CAMK2D: variants seen among roughly 807,000 people sequenced by gnomAD.
The protein encoded by CAMK2D is calcium/calmodulin dependent protein kinase II delta, also known as calcium/calmodulin-dependent protein kinase type II subunit delta.
In CAMK2D, 37 loss-of-function variants were observed where a neutral mutation model predicts 84.0. The observed-to-expected ratio is 0.44, with a 90% CI of 0.34 to 0.58. The LOEUF (loss-of-function observed/expected upper bound fraction) is 0.58. Ranked by LOEUF, CAMK2D falls within the 20% of genes least tolerant of loss-of-function variation. The pLI is 0.02. For synonymous variants in CAMK2D, 202 were observed against 212.5 expected (o/e 0.95, Z 0.43); for missense variants, 448 against 652.5 (o/e 0.69, Z 3.41).
intron 2 of CAMK2D, among the ~76,000 whole-genome samples, chr4:113,732,734 T>A (rs2099572122): frequency 6.6e-6 from 1 of 152,168 alleles, no homozygotes; most frequent in African/African-American, 2.4e-5. Flanking sequence ...ACATATTATT[T>A]AAATAAAAGG....
At chr4:113,635,258 T>A (rs574657932) in intron 3 of CAMK2D, among the ~76,000 whole-genome samples, 1 of 152,292 alleles carries the variant, frequency 6.6e-6, no homozygotes, top group South Asian at 2.1e-4. Context: ...CATTTCTGAA[T>A]GTAGCTTACA....
chr4:113,522,680 C>T (rs974324016), intron 8 of CAMK2D, among the ~76,000 whole-genome samples: 2 of 152,088 alleles, frequency 1.3e-5, no homozygotes, highest in African/African-American at 2.4e-5. Context: ...CTGACAGGTA[C>T]AATTACTATA....
chr4:113,517,707 A>T (rs1487201235), intron 8 of CAMK2D, 50 bp from the exon 9 acceptor site: 1 of 840,564 alleles, frequency 1.2e-6, no homozygotes, highest in East Asian at 2.4e-5. Flanking sequence ...AGACAACAGT[A>T]AATTAAATGT....
intron 2 of CAMK2D, among the ~76,000 whole-genome samples, chr4:113,682,579 G>A (rs892242404): frequency 1.3e-5 from 2 of 151,956 alleles, no homozygotes; most frequent in Non-Finnish European, 1.5e-5. Context: ...GCAATTATGA[G>A]TAGGCCATTT....
At chr4:113,469,378 T>C (rs188382416) in intron 16 of CAMK2D, among the ~76,000 whole-genome samples, 79 of 152,312 alleles carry the variant, frequency 5.2e-4, no homozygotes, top group Admixed American at 1.4e-3. Context: ...ACACTCTCCT[T>C]TTACTTAACT....
chr4:113,724,420 T>G (rs925170114), intron 2 of CAMK2D, among the ~76,000 whole-genome samples: 155 of 152,084 alleles, frequency 1.0e-3, no homozygotes, highest in African/African-American at 3.7e-3. Context: ...ACAGTTAATA[T>G]TTTATCTATT....
intron 16 of CAMK2D, among the ~76,000 whole-genome samples, chr4:113,479,453 T>C (rs1326425380): frequency 6.6e-6 from 1 of 152,192 alleles, no homozygotes; most frequent in Non-Finnish European, 1.5e-5. Context: ...ATGTCTCAAC[T>C]CAGAATTAAT....
chr4:113,508,840 T>C (rs1459439448), intron 13 of CAMK2D, among the ~76,000 whole-genome samples: 1 of 152,148 alleles, frequency 6.6e-6, no homozygotes. Flanking sequence ...AATTAATTAA[T>C]TCCCAAGAAC....
chr4:113,472,122 C>T (rs1486811731), intron 16 of CAMK2D, among the ~76,000 whole-genome samples: 1 of 152,186 alleles, frequency 6.6e-6, no homozygotes, highest in East Asian at 1.9e-4. Context: ...CTTTACGTTA[C>T]TTTGATCTTA....
At chr4:113,504,900 G>T in intron 14 of CAMK2D, 76 bp downstream of exon 14, 3 of 626,604 alleles carry the variant, frequency 4.8e-6, no homozygotes, top group South Asian at 3.3e-5. Flanking sequence ...TCTATATAGT[G>T]AAAGCAAATG....
intron 2 of CAMK2D, among the ~76,000 whole-genome samples, chr4:113,703,091 G>A (rs1238169484): frequency 6.6e-6 from 1 of 152,138 alleles, no homozygotes; most frequent in Non-Finnish European, 1.5e-5. Flanking sequence ...TTTGATAAAT[G>A]TGAATTTGTT....
At chr4:113,501,882 G>A (rs1004944274) in intron 15 of CAMK2D, among the ~76,000 whole-genome samples, 16 of 151,904 alleles carry the variant, frequency 1.1e-4, no homozygotes, top group Admixed American at 9.2e-4. Context: ...AAGGCTTTTC[G>A]GGACCTAGAC....
chr4:113,528,748 G>A (rs1042549982), intron 8 of CAMK2D, among the ~76,000 whole-genome samples: 2 of 152,132 alleles, frequency 1.3e-5, no homozygotes, highest in African/African-American at 4.8e-5. Context: ...AAACCTGTCT[G>A]TGTCTGCCTG....
chr4:113,589,350 ATATT>A (rs1328845354), intron 4 of CAMK2D, among the ~76,000 whole-genome samples: 2 of 152,148 alleles, frequency 1.3e-5, no homozygotes, highest in Non-Finnish European at 2.9e-5. Flanking sequence ...GATTCAAGAT[ATATT>A]CAAGTTCTGA....
At chr4:113,637,140 T>C (rs1384488968) in intron 3 of CAMK2D, among the ~76,000 whole-genome samples, 1 of 152,188 alleles carries the variant, frequency 6.6e-6, no homozygotes, top group Non-Finnish European at 1.5e-5. Context: ...TATTTGTTTA[T>C]TCACAGCCCC....
At chr4:113,747,319 T>TTTTTTC (rs1554093408) in intron 2 of CAMK2D, among the ~76,000 whole-genome samples, 5 of 147,262 alleles carry the variant, frequency 3.4e-5, no homozygotes, top group Non-Finnish European at 4.5e-5. Context: ...TTTTTTTTTT[T>TTTTTTC]AAATTCAATA....
intron 1 of CAMK2D, among the ~76,000 whole-genome samples, chr4:113,760,725 G>A (rs746205310): frequency 1.3e-5 from 2 of 152,118 alleles, no homozygotes; most frequent in African/African-American, 2.4e-5. Flanking sequence ...TGCAGAGATC[G>A]TAAATTCACT....
chr4:113,745,622 A>C (rs943131006), intron 2 of CAMK2D, among the ~76,000 whole-genome samples: 2 of 152,204 alleles, frequency 1.3e-5, no homozygotes, highest in African/African-American at 4.8e-5. Context: ...TTTCCTCATT[A>C]ATAGTAGATA....
intron 16 of CAMK2D, among the ~76,000 whole-genome samples, chr4:113,472,634 C>T (rs1271817962): frequency 1.3e-5 from 2 of 152,162 alleles, no homozygotes; most frequent in African/African-American, 4.8e-5. Context: ...AGAGGTCTAG[C>T]TGACTACAAT....
Sources: allele counts gnomAD v4.1 joint callset (sites outside exome capture counted in the v4.1 genomes callset), GRCh38; gene constraint gnomAD v4.1.1; transcripts MANE v1.5; gene names NCBI Gene and HGNC (gene_info 2026-07-23, HGNC 2026-07-21).